Variants in DNAH6 observed in about 807,000 individuals in gnomAD.
DNAH6 encodes axonemal beta dynein heavy chain 6.
In DNAH6, 340 loss-of-function variants were observed where a neutral mutation model predicts 491.4. The observed-to-expected ratio is 0.69, with a 90% CI of 0.63 to 0.76. DNAH6 has a LOEUF of 0.76. DNAH6 is among the 30% of genes least tolerant of loss of function. The probability of loss-of-function intolerance (pLI) is 0.00; values close to 1 mark genes in which losing one functional copy is unlikely to be tolerated. For missense variants in DNAH6, 4,443 were observed against 4,972.2 expected (o/e 0.89, Z 3.20); for synonymous variants, 1,603 against 1,686.1 (o/e 0.95, Z 1.21).
intron 29 of DNAH6, among the ~76,000 whole-genome samples, chr2:84,629,951 A>G (rs1688251103): frequency 6.6e-6 from 1 of 152,250 alleles, no homozygotes; most frequent in Non-Finnish European, 1.5e-5. Flanking sequence ...GAATGGATCA[A>G]AACACATAAA....
Position 84,616,352 on chromosome 2 carries a change from T to A in DNAH6, c.3476-534T>A, listed in dbSNP as rs187721172. Among the ~76,000 whole-genome samples the A allele has an allele frequency of 3.5e-4, 53 of 152,180 alleles. No homozygotes were observed. In the East Asian group the frequency reaches 8.9e-3, roughly 25 times the overall value. On this transcript the variant is annotated intron_variant, in intron 22 of 76. Coordinates refer to ENST00000389394, the MANE Select transcript of DNAH6 (RefSeq NM_001370.2). ...GTCTGGTAGTAATTGTTTTATAAATTTATAAATTTGGGAGCTCCAGTGTTA... is the reference window on the plus strand; with the variant it reads ...GTCTGGTAGTAATTGTTTTATAAATATATAAATTTGGGAGCTCCAGTGTTA...
intron 21 of DNAH6, among the ~76,000 whole-genome samples, chr2:84,608,004 C>T (rs1162911871): frequency 1.3e-5 from 2 of 152,148 alleles, no homozygotes; most frequent in African/African-American, 4.8e-5. Context: ...TATGTAATAT[C>T]CTAAATCCTT....
intron 11 of DNAH6, among the ~76,000 whole-genome samples, chr2:84,558,794 G>T (rs1472160718): frequency 6.6e-6 from 1 of 152,104 alleles, no homozygotes; most frequent in Non-Finnish European, 1.5e-5. Flanking sequence ...GATGTGAGAA[G>T]GTAAAGAAAC....
chr2:84,731,954 T>C (rs757982687), intron 61 of DNAH6, among the ~76,000 whole-genome samples: 9 of 152,206 alleles, frequency 5.9e-5, no homozygotes, highest in Non-Finnish European at 8.8e-5. Context: ...TTAGTGGTGC[T>C]TAACAGCTAG....
At chr2:84,687,321 C>T in intron 44 of DNAH6, among the ~76,000 whole-genome samples, 1 of 152,100 alleles carries the variant, frequency 6.6e-6, no homozygotes, top group East Asian at 1.9e-4. Context: ...TCCAAGAGGG[C>T]AGAGACCATG....
intron 61 of DNAH6, among the ~76,000 whole-genome samples, chr2:84,730,983 C>T (rs770540127): frequency 5.3e-5 from 8 of 152,160 alleles, no homozygotes; most frequent in Non-Finnish European, 7.4e-5. Context: ...TGAGGATCTT[C>T]GCATACTGGC....
chr2:84,533,336 A>G (rs1677360749), intron 4 of DNAH6, among the ~76,000 whole-genome samples: 1 of 152,156 alleles, frequency 6.6e-6, no homozygotes, highest in African/African-American at 2.4e-5. Flanking sequence ...GCAGGAAATG[A>G]AGAGTAAGAT....
intron 41 of DNAH6, among the ~76,000 whole-genome samples, chr2:84,679,599 T>G (rs2178103): frequency 0.14 from 21,532 of 152,236 alleles, 1,646 homozygotes; most frequent in Non-Finnish European, 0.16. Context: ...GCATCTTGCG[T>G]GCATGTTCTT....
chr2:84,484,268 A>G, the DNAH6 span, among the ~76,000 whole-genome samples: 8 of 152,090 alleles, frequency 5.3e-5, no homozygotes, highest in East Asian at 1.5e-3. Context: ...TCCCTAGTCA[A>G]TCTGCCATCT....
At chr2:84,764,928 C>T (rs1674937094) in intron 64 of DNAH6, among the ~76,000 whole-genome samples, 1 of 151,856 alleles carries the variant, frequency 6.6e-6, no homozygotes, top group Non-Finnish European at 1.5e-5. Flanking sequence ...TTGGAAATAA[C>T]CTAAATTTCC....
At chr2:84,743,519 T>C (rs1401486901) in intron 62 of DNAH6, among the ~76,000 whole-genome samples, 2 of 152,216 alleles carry the variant, frequency 1.3e-5, no homozygotes, top group African/African-American at 4.8e-5. Flanking sequence ...TATTGGGAGT[T>C]ATTTAAAATA....
At chr2:84,734,990 TC>T (rs1699418214) in intron 62 of DNAH6, among the ~76,000 whole-genome samples, 2 of 152,186 alleles carry the variant, frequency 1.3e-5, no homozygotes, top group South Asian at 2.1e-4. Flanking sequence ...TCTAATGATC[TC>T]ATTGCCCAGG....
At position 84,733,590 on chromosome 2, in the gene DNAH6, A is replaced by G; in HGVS notation, c.10342+11A>G. 6.5e-7 allele frequency: 1 copy of G among 1,550,172 alleles called. No homozygotes were observed. The highest frequency in any genetic ancestry group is 2.0e-5 in the Admixed American group (1 of 50,962). On this transcript the variant is annotated intron_variant, in intron 62 of 76. Transcript: ENST00000389394. ...TTTCCATACGCTTAGGTAATGTGAC[A>G]AAAAGAACCTGCTGAGGAGGCTTAT...
chr2:84,705,457 G>T (rs758297594), intron 51 of DNAH6, 29 bp from the exon 52 acceptor site: 2 of 1,502,864 alleles, frequency 1.3e-6, no homozygotes, highest in South Asian at 2.6e-5. Flanking sequence ...TCATTTCAGT[G>T]CCATTAATAT....
Position 84,718,372 on chromosome 2 carries a change from C to A in DNAH6, c.9780C>A (p.Leu3260=). 1.3e-6 allele frequency: 2 copies of A among 1,530,468 alleles called. No individual in the cohort carries two copies. The highest frequency in any genetic ancestry group is 1.8e-6 in the Non-Finnish European group (2 of 1,140,610). The allele number at this position is 1,530,468 out of a possible 1,614,324, so 94.8% of individuals were successfully genotyped here. ...ILDNEELIDT[L]QDSKITSGAI... is the part of the protein sequence containing the mutation. ...ACAATGAAGAACTTATTGACACACT[C>A]CAGGATTCAAAGGCAAGTAAAATAT... The change falls in exon 59 of 77, where the codon CTC becomes CTA. Residue 3260 remains leucine, a synonymous_variant. Transcript: ENST00000389394.
Position 84,702,694 on chromosome 2 carries a change from C to T in DNAH6, c.8062-701C>T, listed in dbSNP as rs530672014. On this transcript the variant is annotated intron_variant, in intron 49 of 76. Coordinates refer to ENST00000389394, the MANE Select transcript of DNAH6 (RefSeq NM_001370.2). ...AGTAGCTGGGACTATAGTCAACCGC[C>T]ACCACGCCCGACTAATTTTTTGTAT... 1.1e-3 allele frequency among the ~76,000 whole-genome samples: 161 copies of T among 152,104 alleles called. 6 individuals carry two copies. The South Asian group carries it at 0.032, about 30-fold the overall frequency.
At chr2:84,733,667 T>C (rs1699296632) in intron 62 of DNAH6, 88 bp downstream of exon 62, 3 of 1,244,136 alleles carry the variant, frequency 2.4e-6, no homozygotes, top group African/African-American at 3.0e-5. Context: ...TCTTCTGTAA[T>C]GTCAGCATTT....
intron 68 of DNAH6, among the ~76,000 whole-genome samples, chr2:84,794,622 A>T (rs1188295099): frequency 2.4e-4 from 36 of 150,292 alleles, no homozygotes; most frequent in Non-Finnish European, 4.8e-4. Context: ...TCAAAACCAC[A>T]ATGAGATACC....
At chr2:84,485,915 A>C in the DNAH6 span, among the ~76,000 whole-genome samples, 1 of 151,770 alleles carries the variant, frequency 6.6e-6, no homozygotes, top group Admixed American at 6.6e-5. Context: ...CCAAACTCCA[A>C]CCTCCTAAAT....
Sources: allele counts gnomAD v4.1 joint callset (sites outside exome capture counted in the v4.1 genomes callset), GRCh38; gene constraint gnomAD v4.1.1; transcripts MANE v1.5; gene names NCBI Gene and HGNC (gene_info 2026-07-23, HGNC 2026-07-21).